GABRB1: variants seen among roughly 807,000 people sequenced by gnomAD.
GABRB1 encodes gamma-aminobutyric acid receptor subunit beta-1.
In GABRB1, 17 loss-of-function variants were observed where a neutral mutation model predicts 51.6. The observed-to-expected ratio is 0.33, with a 90% CI of 0.23 to 0.49. GABRB1 has a LOEUF of 0.49. Ranked by LOEUF, GABRB1 falls within the 20% of genes least tolerant of loss-of-function variation. The pLI is 0.99. For synonymous variants in GABRB1, 247 were observed against 218.9 expected (o/e 1.13, Z -1.14); for missense variants, 410 against 600.6 (o/e 0.68, Z 3.32).
rs534026564 is a variant in GABRB1, at chr4:47,229,960, G to T, written c.461+68491G>T. ...AATGTTGTTTTAAGCCACCAGATTT[G>T]TGGTAATTTGTTGCAATAGCAAATA... On this transcript the variant is annotated intron_variant, in intron 4 of 8. Coordinates refer to ENST00000295454, the MANE Select transcript of GABRB1 (RefSeq NM_000812.4). Among the ~76,000 whole-genome samples, 7 of 152,248 alleles carry T rather than the reference G, an allele frequency of 4.6e-5. No homozygotes were observed. In the East Asian group the frequency reaches 9.6e-4, roughly 21 times the overall value.
intron 4 of GABRB1, among the ~76,000 whole-genome samples, chr4:47,191,548 G>A (rs527884509): frequency 6.6e-6 from 1 of 152,260 alleles, no homozygotes; most frequent in South Asian, 2.1e-4. Context: ...TGAAAGCTGA[G>A]TAGAATGAGA....
intron 3 of GABRB1, among the ~76,000 whole-genome samples, chr4:47,115,446 TAA>T (rs1715432669): frequency 6.6e-6 from 1 of 152,092 alleles, no homozygotes; most frequent in Non-Finnish European, 1.5e-5. Context: ...AGATCTAGTA[TAA>T]GTAATAATAT....
At chr4:47,281,686 T>A (rs1723299613) in intron 4 of GABRB1, among the ~76,000 whole-genome samples, 1 of 152,174 alleles carries the variant, frequency 6.6e-6, no homozygotes, top group African/African-American at 2.4e-5. Flanking sequence ...AAAGGTGGTA[T>A]ATATACACAA....
intron 4 of GABRB1, among the ~76,000 whole-genome samples, chr4:47,203,472 T>C (rs1560583813): frequency 6.6e-6 from 1 of 152,092 alleles, no homozygotes; most frequent in Admixed American, 6.5e-5. Flanking sequence ...CTTTGCTGAA[T>C]ACCCGGATAT....
At chr4:47,050,535 A>T (rs1726301805) in intron 3 of GABRB1, among the ~76,000 whole-genome samples, 1 of 152,204 alleles carries the variant, frequency 6.6e-6, no homozygotes, top group African/African-American at 2.4e-5. Context: ...ATGCCAATGC[A>T]AAGAGTTGAA....
rs56209176 is a variant in GABRB1, at chr4:47,123,551, TATATATTATAATATATTACATTATTTC to T, written c.241-37652_241-37626del. On this transcript the variant is annotated intron_variant, in intron 3 of 8. Transcript: ENST00000295454. ...CATTATTTCATATATTATAATATATTATATATTATAATATATTACATTATTTCATATATTATAATATATTACATTATT... is the reference window on the plus strand; with the variant it reads ...CATTATTTCATATATTATAATATATTATATATTATAATATATTACATTATT... Among the ~76,000 whole-genome samples, 87 of 38,102 alleles carry T rather than the reference TATATATTATAATATATTACATTATTTC, an allele frequency of 2.3e-3. 25 individuals carry two copies. The highest frequency in any genetic ancestry group is 7.3e-3 in the African/African-American group (71 of 9,664). 25.0% of individuals were successfully genotyped at this position (38,102 alleles called of 152,430 possible).
intron 4 of GABRB1, among the ~76,000 whole-genome samples, chr4:47,278,111 G>A (rs1297435729): frequency 6.6e-6 from 1 of 152,110 alleles, no homozygotes; most frequent in African/African-American, 2.4e-5. Flanking sequence ...AGTGCACACT[G>A]TATTGCACCT....
intron 4 of GABRB1, among the ~76,000 whole-genome samples, chr4:47,281,017 T>C (rs1481587473): frequency 6.6e-6 from 1 of 152,124 alleles, no homozygotes; most frequent in Non-Finnish European, 1.5e-5. Context: ...TATTCTTTTT[T>C]CTTTCAGCTT....
intron 4 of GABRB1, among the ~76,000 whole-genome samples, chr4:47,181,959 T>A (rs1718967757): frequency 6.6e-6 from 1 of 151,990 alleles, no homozygotes; most frequent in East Asian, 1.9e-4. Flanking sequence ...GGGATCCAAC[T>A]GTGTTTGGAT....
chr4:47,377,575 G>A (rs553790396), intron 5 of GABRB1, among the ~76,000 whole-genome samples: 35 of 152,208 alleles, frequency 2.3e-4, no homozygotes, highest in African/African-American at 7.9e-4. Context: ...TAGTCTGGAA[G>A]GGGACCCAAG....
Position 47,166,260 on chromosome 4 carries a change from G to A in GABRB1, c.461+4791G>A, listed in dbSNP as rs555599136. On this transcript the variant is annotated intron_variant, in intron 4 of 8. Coordinates refer to ENST00000295454, the MANE Select transcript of GABRB1 (RefSeq NM_000812.4). ...GAACTGCGTAAGTCCATTTATTGGA[G>A]GATTTTTTTTCAATAAAAGTTACAC... 3.5e-4 allele frequency among the ~76,000 whole-genome samples: 53 copies of A among 152,046 alleles called. 1 individual carries two copies. The highest frequency in any genetic ancestry group is 3.3e-3 in the Admixed American group (51 of 15,258).
chr4:47,124,685 C>T (rs1716033134), intron 3 of GABRB1, among the ~76,000 whole-genome samples: 1 of 152,078 alleles, frequency 6.6e-6, no homozygotes, highest in African/African-American at 2.4e-5. Context: ...AAGAACCTAA[C>T]AAATTCTGGA....
chr4:47,317,255 G>A (rs1724927588), intron 4 of GABRB1, among the ~76,000 whole-genome samples: 3 of 151,954 alleles, frequency 2.0e-5, no homozygotes, highest in African/African-American at 2.4e-5. Context: ...ATCTCTGACT[G>A]AAAAGCATCA....
chr4:47,066,616 A>G (rs1727097214), intron 3 of GABRB1, among the ~76,000 whole-genome samples: 1 of 152,198 alleles, frequency 6.6e-6, no homozygotes, highest in Admixed American at 6.5e-5. Context: ...TTGTTCATCT[A>G]TAGGAAATAA....
At chr4:47,201,681 T>C (rs1719902273) in intron 4 of GABRB1, among the ~76,000 whole-genome samples, 1 of 152,168 alleles carries the variant, frequency 6.6e-6, no homozygotes, top group Non-Finnish European at 1.5e-5. Context: ...AAATGTATTA[T>C]TCATTACCAA....
intron 3 of GABRB1, among the ~76,000 whole-genome samples, chr4:47,068,061 C>A (rs531750717): frequency 6.6e-6 from 1 of 152,308 alleles, no homozygotes; most frequent in African/African-American, 2.4e-5. Context: ...AAATGTCATT[C>A]CTTTTTATGG....
At chr4:46,997,982 T>A (rs1724053152) in intron 1 of GABRB1, among the ~76,000 whole-genome samples, 1 of 152,196 alleles carries the variant, frequency 6.6e-6, no homozygotes, top group South Asian at 2.1e-4. Context: ...CTATGTTTAG[T>A]TTTTTGAGGA....
chr4:47,231,729 A>G (rs968568506), intron 4 of GABRB1, among the ~76,000 whole-genome samples: 29 of 152,312 alleles, frequency 1.9e-4, no homozygotes, highest in African/African-American at 5.8e-4. Context: ...TGCCTGGAAC[A>G]CTATAGTGGG....
chr4:47,413,674 G>A (rs900416760), intron 8 of GABRB1, among the ~76,000 whole-genome samples: 1 of 152,164 alleles, frequency 6.6e-6, no homozygotes, highest in Admixed American at 6.5e-5. Context: ...TTGGTTCACT[G>A]GAGCATAGAG....
Sources: gnomAD v4.1 joint callset for allele counts (sites outside exome capture counted in the v4.1 genomes callset) on GRCh38, gnomAD v4.1.1 for gene constraint, MANE v1.5 for transcripts, NCBI Gene and HGNC (gene_info 2026-07-23, HGNC 2026-07-21) for gene names.